The following STAB2 variants were observed in gnomAD, a reference collection of about 807,000 sequenced individuals.
STAB2 encodes the protein stabilin-2.
In STAB2, 288 loss-of-function variants were observed where a neutral mutation model predicts 338.1. The ratio of observed to expected loss-of-function variants is 0.85; its 90% CI spans 0.77 to 0.94. The LOEUF (loss-of-function observed/expected upper bound fraction) is 0.94. Ranked by LOEUF, STAB2 falls within the 40% of genes least tolerant of loss-of-function variation. STAB2 has a pLI of 0.00. For missense variants in STAB2, 3,141 were observed against 3,210.1 expected (o/e 0.98, Z 0.52); for synonymous variants, 1,202 against 1,193.3 (o/e 1.01, Z -0.15).
chr12:103,618,709 G>A (rs1957249652), intron 3 of STAB2, among the ~76,000 whole-genome samples: 1 of 151,906 alleles, frequency 6.6e-6, no homozygotes, highest in East Asian at 1.9e-4. Context: ...TAACCACTCT[G>A]TGCCTGTTTC....
rs1019358375 is a variant in STAB2 at position 103,619,749 on chromosome 12, G to GC, written c.332-713dup. 2.8e-3 allele frequency among the ~76,000 whole-genome samples: 394 copies of GC among 139,592 alleles called. 4 individuals carry two copies. The highest frequency in any genetic ancestry group is 5.9e-3 in the African/African-American group (214 of 36,228). The allele number at this position is 139,592 out of a possible 152,430, so 91.6% of individuals were successfully genotyped here. ...TGTCCCATTTTACCTCATCAGCAAC[G>GC]CCCCCCGCCCCCGCCACCCCACAAC... On this transcript the variant is annotated intron_variant, in intron 3 of 68. Transcript: ENST00000388887.
At position 103,749,120 on chromosome 12, in the gene STAB2, G is replaced by C; in HGVS notation, c.6402G>C (p.Gly2134=). The change falls in exon 59 of 69, where the codon GGG becomes GGC. Residue 2134 remains glycine, a synonymous_variant. Transcript: ENST00000388887. ...CCTGTGCAGACGGCCTTAACGGAGG[G>C]TGTCACGAGCACGCCACCTGTAAGA... The part of the protein sequence containing the change: ...IDPCADGLNG[G]CHEHATCKMT... 6.2e-7 allele frequency: 1 copy of C among 1,610,126 alleles called. No homozygotes were observed. Among genetic ancestry groups the C allele is most frequent in the Non-Finnish European group, 8.5e-7 (1 of 1,176,952 alleles).
At chr12:103,687,137 G>C (rs185295765) in intron 27 of STAB2, among the ~76,000 whole-genome samples, 2 of 152,100 alleles carry the variant, frequency 1.3e-5, no homozygotes, top group Admixed American at 6.6e-5. Context: ...GTATTCAGTA[G>C]TTTAAAAAAT....
intron 3 of STAB2, among the ~76,000 whole-genome samples, chr12:103,613,882 C>A (rs1474755427): frequency 2.0e-5 from 3 of 152,120 alleles, no homozygotes; most frequent in Non-Finnish European, 4.4e-5. Flanking sequence ...GTTCACTAAT[C>A]TTTTATTTCT....
At chr12:103,736,759 G>A (rs943657497) in intron 52 of STAB2, among the ~76,000 whole-genome samples, 27 of 152,168 alleles carry the variant, frequency 1.8e-4, no homozygotes, top group Non-Finnish European at 3.5e-4. Flanking sequence ...GAGTGAACAC[G>A]CAAGGCTTTA....
intron 5 of STAB2, among the ~76,000 whole-genome samples, chr12:103,630,433 C>T (rs1010968706): frequency 2.0e-5 from 3 of 152,036 alleles, no homozygotes; most frequent in African/African-American, 2.4e-5. Flanking sequence ...TTACGTGCAC[C>T]GAAGACACGT....
chr12:103,606,910 G>A (rs573734311), intron 3 of STAB2, among the ~76,000 whole-genome samples: 35 of 152,292 alleles, frequency 2.3e-4, no homozygotes, highest in East Asian at 1.5e-3. Flanking sequence ...CTTGAACTCG[G>A]GAGGTGGAGG....
Position 103,717,772 on chromosome 12 carries a change from T to C in STAB2, c.4614T>C (p.Ala1538=). 1.2e-6 allele frequency: 2 copies of C among 1,614,168 alleles called. No individual in the cohort carries two copies. The highest frequency in any genetic ancestry group is 1.7e-6 in the Non-Finnish European group (2 of 1,180,014). Residue 1538 remains alanine, a splice_region_variant and synonymous_variant, in exon 44 of 69, where the codon GCT becomes GCC. Transcript: ENST00000388887. The part of the protein sequence containing the change: ...AECTQTGPNQ[A]ACNCLPAYTG... ...CATGTGCTTCTACTCCTGGACAGGC[T>C]GCCTGTAACTGTTTGCCAGCATACA...
At chr12:103,626,091 A>C (rs566150632) in intron 5 of STAB2, among the ~76,000 whole-genome samples, 1 of 152,326 alleles carries the variant, frequency 6.6e-6, no homozygotes, top group African/African-American at 2.4e-5. Context: ...AGAAAACTGG[A>C]AACTTAAACT....
chr12:103,676,505 G>A (rs1318352604), intron 24 of STAB2, among the ~76,000 whole-genome samples: 1 of 152,146 alleles, frequency 6.6e-6, no homozygotes, highest in East Asian at 1.9e-4. Context: ...TTTTAACACA[G>A]GGTCTCACTC....
At chr12:103,668,553 G>T (rs1875389967) in intron 19 of STAB2, 90 bp from the exon 20 acceptor site, 5 of 1,183,374 alleles carry the variant, frequency 4.2e-6, no homozygotes, top group Non-Finnish European at 4.9e-6. Flanking sequence ...TGAAATGGAA[G>T]TACAATGGCA....
chr12:103,738,139 T>C (rs538779917), intron 53 of STAB2, among the ~76,000 whole-genome samples: 1 of 152,280 alleles, frequency 6.6e-6, no homozygotes, highest in South Asian at 2.1e-4. Flanking sequence ...TTGTTGAATG[T>C]CTGACAGATT....
At chr12:103,728,822 C>G (rs749801247) in intron 47 of STAB2, 27 bp from the exon 48 acceptor site, 2 of 1,612,520 alleles carry the variant, frequency 1.2e-6, no homozygotes, top group Admixed American at 3.3e-5. Context: ...CTGCCTCTGG[C>G]TGAAACCCTC....
intron 39 of STAB2, among the ~76,000 whole-genome samples, chr12:103,708,741 C>T (rs927109597): frequency 4.6e-5 from 7 of 152,154 alleles, no homozygotes; most frequent in Non-Finnish European, 8.8e-5. Context: ...CAGGAAAGAA[C>T]TATTACTGAT....
intron 59 of STAB2, among the ~76,000 whole-genome samples, 194 bp from the exon 60 acceptor site, chr12:103,750,385 G>C (rs1883520248): frequency 6.6e-6 from 1 of 152,224 alleles, no homozygotes; most frequent in Non-Finnish European, 1.5e-5. Context: ...TTTGAACTGA[G>C]ATGTAAAGGA....
chr12:103,684,751 AT>A (rs551667945), intron 26 of STAB2, among the ~76,000 whole-genome samples: 33 of 152,292 alleles, frequency 2.2e-4, no homozygotes, highest in Non-Finnish European at 4.3e-4. Flanking sequence ...TGCATCCTGT[AT>A]TTTTTTATTT....
intron 45 of STAB2, among the ~76,000 whole-genome samples, chr12:103,725,615 TGTG>T (rs1881131104): frequency 6.6e-6 from 1 of 151,456 alleles, no homozygotes; most frequent in African/African-American, 2.4e-5. Flanking sequence ...TGTGTGTGCT[TGTG>T]TGTGCATGCA....
intron 59 of STAB2, among the ~76,000 whole-genome samples, chr12:103,750,114 T>C (rs1883494129): frequency 6.6e-6 from 1 of 152,190 alleles, no homozygotes; most frequent in Non-Finnish European, 1.5e-5. Flanking sequence ...CATTCATTGA[T>C]TCAACCAGTG....
intron 60 of STAB2, among the ~76,000 whole-genome samples, chr12:103,751,325 C>T (rs117269760): frequency 0.018 from 2,763 of 152,166 alleles, 38 homozygotes; most frequent in South Asian, 0.029. Context: ...AGGATGAAGC[C>T]ATGAGGAAGA....
Sources: gnomAD v4.1 joint callset for allele counts (sites outside exome capture counted in the v4.1 genomes callset) on GRCh38, gnomAD v4.1.1 for gene constraint, MANE v1.5 for transcripts, NCBI Gene and HGNC (gene_info 2026-07-23, HGNC 2026-07-21) for gene names.